Variants in GSE1 observed in about 807,000 individuals in gnomAD.
GSE1 encodes the protein Gse1 coiled-coil protein, also known as genetic suppressor element 1.
Under a neutral mutation model 112.6 loss-of-function variants are expected in GSE1, and 32 were observed. That is an observed-to-expected ratio of 0.28 (90% CI 0.21 to 0.38). The LOEUF (loss-of-function observed/expected upper bound fraction) is 0.38. GSE1 is among the 10% of genes least tolerant of loss of function. The probability of loss-of-function intolerance (pLI) is 1.00; values close to 1 mark genes in which losing one functional copy is unlikely to be tolerated. For synonymous variants in GSE1, 1,115 were observed against 735.6 expected (o/e 1.52, Z -8.35); for missense variants, 2,348 against 1,699.2 (o/e 1.38, Z -6.71).
intron 1 of GSE1, among the ~76,000 whole-genome samples, chr16:85,614,583 G>C (rs1417213867): frequency 1.3e-5 from 2 of 152,210 alleles, no homozygotes; most frequent in African/African-American, 4.8e-5. Context: ...CTTTCCACGT[G>C]GTGGGCCGGG....
At chr16:85,183,937 C>A (rs115325423) in intron 1 of GSE1, among the ~76,000 whole-genome samples, 2,357 of 152,288 alleles carry the variant, frequency 0.015, 57 homozygotes, top group African/African-American at 0.054. Context: ...AAGCTGTTGA[C>A]GTGTTCTGCA....
intron 1 of GSE1, among the ~76,000 whole-genome samples, chr16:85,353,259 T>C (rs1270450185): frequency 6.6e-6 from 1 of 152,218 alleles, no homozygotes; most frequent in Non-Finnish European, 1.5e-5. Context: ...ACTTGGGTTG[T>C]TGCCAGTCAG....
chr16:85,652,973 C>T (rs2051502220), intron 3 of GSE1, among the ~76,000 whole-genome samples: 1 of 151,670 alleles, frequency 6.6e-6, no homozygotes, highest in Admixed American at 6.6e-5. Flanking sequence ...GGCCGGGTTC[C>T]CGTGGCTCTG....
intron 3 of GSE1, among the ~76,000 whole-genome samples, chr16:85,652,663 G>A (rs929429476): frequency 6.6e-6 from 1 of 152,202 alleles, no homozygotes; most frequent in Non-Finnish European, 1.5e-5. Flanking sequence ...GGTGCCATGT[G>A]CTGCTGCCGG....
intron 1 of GSE1, among the ~76,000 whole-genome samples, chr16:85,240,898 G>A (rs1382797319): frequency 1.3e-5 from 2 of 152,120 alleles, no homozygotes; most frequent in Non-Finnish European, 2.9e-5. Flanking sequence ...GCAGAAACAC[G>A]CCTTTCTGTA....
chr16:85,226,520 C>T (rs995869082), intron 1 of GSE1, among the ~76,000 whole-genome samples: 3 of 152,148 alleles, frequency 2.0e-5, no homozygotes, highest in Admixed American at 6.5e-5. Context: ...TGGCCTTGGT[C>T]GGAGTCCTGG....
intron 1 of GSE1, among the ~76,000 whole-genome samples, chr16:85,266,898 C>A (rs1215199207): frequency 7.9e-5 from 12 of 152,130 alleles, no homozygotes; most frequent in Admixed American, 7.9e-4. Flanking sequence ...TGTGCTCCTG[C>A]CCTCTCCCCC....
intron 4 of GSE1, 79 bp from the exon 5 acceptor site, chr16:85,654,715 A>T: frequency 1.1e-6 from 1 of 889,164 alleles, no homozygotes; most frequent in Non-Finnish European, 1.8e-6. Context: ...GGGGTGATGC[A>T]GGGAGTTTAG....
At chr16:85,668,672 CT>C (rs2053083988) in intron 14 of GSE1, among the ~76,000 whole-genome samples, 1 of 152,186 alleles carries the variant, frequency 6.6e-6, no homozygotes, top group Non-Finnish European at 1.5e-5. Context: ...ACCTGTCATT[CT>C]TTATGTGGGC....
At chr16:85,606,422 C>G (rs139330160), upstream of GSE1, among the ~76,000 whole-genome samples, 6 of 152,236 alleles carry the variant, frequency 3.9e-5, no homozygotes, top group African/African-American at 1.4e-4. Context: ...GCCCTGAACG[C>G]GGACCTGGTC....
Position 85,583,417 on chromosome 16 carries a change from A to G in GSE1, c.37+27054A>G, listed in dbSNP as rs925869044. 2.0e-5 allele frequency: 3 copies of G among 152,224 alleles called. No homozygotes were observed. In the East Asian group the frequency reaches 5.8e-4, roughly 29 times the overall value. The allele number at this position is 152,224 out of a possible 1,614,324, so 9.4% of individuals were successfully genotyped here. ...TGGGCCCCAGGGTGGTTTTGTTGTC[A>G]TAACTTTTTGGAAAGTAAAGCAGTA... is the stretch of plus-strand genomic sequence containing the variant. On this transcript the variant is annotated intron_variant, in intron 1 of 2. Coordinates refer to the GSE1 transcript ENST00000635906.
chr16:85,529,131 G>A (rs183246849), intron 2 of GSE1, among the ~76,000 whole-genome samples: 28 of 152,262 alleles, frequency 1.8e-4, no homozygotes, highest in Admixed American at 5.9e-4. Flanking sequence ...GGGTCGGACC[G>A]GGTTAGACTT....
intron 2 of GSE1, among the ~76,000 whole-genome samples, chr16:85,634,975 C>A (rs1452498077): frequency 2.0e-5 from 3 of 152,092 alleles, no homozygotes; most frequent in East Asian, 3.9e-4. Flanking sequence ...GAAACCGGGA[C>A]CCCAGTGGCA....
At chr16:85,517,608 C>G (rs889988578) in intron 2 of GSE1, among the ~76,000 whole-genome samples, 6 of 149,800 alleles carry the variant, frequency 4.0e-5, no homozygotes, top group Admixed American at 2.7e-4. Context: ...CTCCCCTCCC[C>G]CCGCCTGCCT....
At chr16:85,586,893 T>C (rs1255576893) in intron 1 of GSE1, among the ~76,000 whole-genome samples, 1 of 152,244 alleles carries the variant, frequency 6.6e-6, no homozygotes, top group Non-Finnish European at 1.5e-5. Context: ...TTTTAAATAA[T>C]TCCAGCATGC....
chr16:85,588,494 G>A (rs949787964), intron 1 of GSE1, among the ~76,000 whole-genome samples: 4 of 152,166 alleles, frequency 2.6e-5, no homozygotes, highest in Admixed American at 6.5e-5. Context: ...TCTGTAATTC[G>A]GATGACATAC....
At chr16:85,617,407 T>A (rs2048436558) in intron 1 of GSE1, among the ~76,000 whole-genome samples, 1 of 152,162 alleles carries the variant, frequency 6.6e-6, no homozygotes, top group African/African-American at 2.4e-5. Context: ...CTTTTGTGGG[T>A]CCTTGTGACT....
At chr16:85,464,590 T>C (rs914743107) in intron 2 of GSE1, among the ~76,000 whole-genome samples, 2 of 152,156 alleles carry the variant, frequency 1.3e-5, no homozygotes, top group Non-Finnish European at 2.9e-5. Context: ...CGAGGGGTGA[T>C]GGTCATGCCG....
At chr16:85,173,177 C>T (rs1439496397) in intron 1 of GSE1, among the ~76,000 whole-genome samples, 1 of 152,204 alleles carries the variant, frequency 6.6e-6, no homozygotes, top group Admixed American at 6.5e-5. Context: ...GCAAGACTGA[C>T]CCCAGTTCAT....
Sources: allele counts gnomAD v4.1 joint callset (sites outside exome capture counted in the v4.1 genomes callset), GRCh38; gene constraint gnomAD v4.1.1; transcripts MANE v1.5; gene names NCBI Gene and HGNC (gene_info 2026-07-23, HGNC 2026-07-21).